Variants in CALU observed in about 807,000 individuals in gnomAD.
CALU encodes IEF SSP 9302.
CALU carries 13 observed loss-of-function variants against 37.5 expected under a neutral mutation model. The ratio of observed to expected loss-of-function variants is 0.35; its 90% CI spans 0.23 to 0.55. The LOEUF is 0.55. Ranked by LOEUF, CALU falls within the 20% of genes least tolerant of loss-of-function variation. The pLI is 0.89. For missense variants in CALU, 282 were observed against 391.7 expected (o/e 0.72, Z 2.36); for synonymous variants, 114 against 133.8 (o/e 0.85, Z 1.02).
rs1285549649 is a variant in CALU at position 128,772,526 on chromosome 7, C to A, written c.*3359C>A. The A allele has an allele frequency of 1.9e-6, 3 of 1,614,092 alleles. No individual in the cohort carries two copies. Among genetic ancestry groups the A allele is most frequent in the Non-Finnish European group, 2.5e-6 (3 of 1,179,984 alleles). On this transcript the variant is annotated 3_prime_UTR_variant, in exon 7 of 7. Coordinates refer to ENST00000249364, the MANE Select transcript of CALU (RefSeq NM_001219.5). ...TTTAATTCTAGCTGTTGCAAACAGG[C>A]CAATATTGGGTCCTCAGTTGGGGCC...
chr7:128,773,309 A>G lies in CALU; in HGVS notation c.*4142A>G, dbSNP rs1801669551. ...TTTTTAATTTTATTTAAGTTCCAGGATACATGTGCAGGATGTGCAGGTTTG... is the reference window on the plus strand; with the variant it reads ...TTTTTAATTTTATTTAAGTTCCAGGGTACATGTGCAGGATGTGCAGGTTTG... On this transcript the variant is annotated 3_prime_UTR_variant, in exon 7 of 7. Coordinates refer to ENST00000249364, the MANE Select transcript of CALU (RefSeq NM_001219.5). 6.6e-6 allele frequency among the ~76,000 whole-genome samples: 1 copy of G among 152,186 alleles called. No individual in the cohort carries two copies. Among genetic ancestry groups the G allele is most frequent in the Non-Finnish European group, 1.5e-5 (1 of 68,034 alleles).
chr7:128,759,719 A>T (rs909608092), intron 4 of CALU, 73 bp from the exon 5 acceptor site: 3 of 804,276 alleles, frequency 3.7e-6, no homozygotes, highest in African/African-American at 3.4e-5. Context: ...GTTTACCTAA[A>T]CTAGATACTT....
At chr7:128,751,557 T>G (rs1800676013) in intron 2 of CALU, among the ~76,000 whole-genome samples, 1 of 151,894 alleles carries the variant, frequency 6.6e-6, no homozygotes. Flanking sequence ...GGAGACCCTC[T>G]CTCTACAACA....
chr7:128,763,667 A>G (rs569454069), intron 5 of CALU, among the ~76,000 whole-genome samples: 6 of 152,364 alleles, frequency 3.9e-5, no homozygotes, highest in African/African-American at 7.2e-5. Flanking sequence ...GCATGTGTCT[A>G]TTTCCTAATT....
At chr7:128,739,977 T>C (rs1480951495) in intron 1 of CALU, among the ~76,000 whole-genome samples, 4 of 152,158 alleles carry the variant, frequency 2.6e-5, no homozygotes. Context: ...CTAGGTGATA[T>C]CTATGATTTT....
In CALU at chr7:128,771,735, T is replaced by C. The variant is rs1408745705; in HGVS notation, c.*2568T>C. 1 of 152,262 alleles carries C rather than the reference T, an allele frequency of 6.6e-6. No individual in the cohort carries two copies. Among genetic ancestry groups the C allele is most frequent in the African/African-American group, 2.4e-5 (1 of 41,470 alleles). The allele number at this position is 152,262 out of a possible 1,614,324, so 9.4% of individuals were successfully genotyped here. On this transcript the variant is annotated 3_prime_UTR_variant, in exon 7 of 7. Coordinates refer to ENST00000249364, the MANE Select transcript of CALU (RefSeq NM_001219.5). ...TGCTGCTCGTTATATAATTATCTGATACCAAACACAAGCGATTCTGAATGT... is the reference window on the plus strand; with the variant it reads ...TGCTGCTCGTTATATAATTATCTGACACCAAACACAAGCGATTCTGAATGT...
chr7:128,767,666 C>T lies in CALU; in HGVS notation c.843+11C>T, dbSNP rs776503596. ...TCAGACCAAAACAAGGTAAGTCTGGCGAGGCCCACACGCTCTATCCTTGAT... is the reference window on the plus strand; with the variant it reads ...TCAGACCAAAACAAGGTAAGTCTGGTGAGGCCCACACGCTCTATCCTTGAT... On this transcript the variant is annotated intron_variant, in intron 6 of 6. Transcript: ENST00000249364. The T allele has an allele frequency of 6.8e-6, 11 of 1,608,984 alleles. No individual in the cohort carries two copies. Among genetic ancestry groups the T allele is most frequent in the African/African-American group, 1.3e-5 (1 of 74,806 alleles).
rs1801492077 is a variant in CALU at position 128,769,842 on chromosome 7, C to T, written c.*675C>T. On this transcript the variant is annotated 3_prime_UTR_variant, in exon 7 of 7. Transcript: ENST00000249364. Reference sequence around the variant, plus strand: ...CTGACTGTTGGCTAATTTTGTCAAGCACAGCTGTGGTGGGAAGAGTTAGGG... The same window carrying T: ...CTGACTGTTGGCTAATTTTGTCAAGTACAGCTGTGGTGGGAAGAGTTAGGG... The T allele has an allele frequency of 6.6e-6, 1 of 152,212 alleles. No individual in the cohort carries two copies. The highest frequency in any genetic ancestry group is 2.1e-4 in the South Asian group (1 of 4,826). 9.4% of individuals were successfully genotyped at this position (152,212 alleles called of 1,614,324 possible).
intron 1 of CALU, among the ~76,000 whole-genome samples, chr7:128,742,825 A>G (rs924007243): frequency 6.6e-6 from 1 of 152,184 alleles, no homozygotes; most frequent in Non-Finnish European, 1.5e-5. Context: ...CATGAAAACA[A>G]CTTTATAGAA....
Position 128,772,493 on chromosome 7 carries a change from A to C in CALU, c.*3326A>C. ...ACGGAGACAATAGAAACTTACTTAA[A>C]AGTAAAATTTAATTCTAGCTGTTGC... is the stretch of plus-strand genomic sequence containing the variant. On this transcript the variant is annotated 3_prime_UTR_variant, in exon 7 of 7. Transcript: ENST00000249364. The C allele has an allele frequency of 6.2e-7, 1 of 1,612,566 alleles. No individual in the cohort carries two copies. The highest frequency in any genetic ancestry group is 2.2e-5 in the East Asian group (1 of 44,852).
At chr7:128,757,120 T>TTA (rs1800914457) in intron 3 of CALU, among the ~76,000 whole-genome samples, 1 of 151,958 alleles carries the variant, frequency 6.6e-6, no homozygotes, top group Non-Finnish European at 1.5e-5. Context: ...GTTTCCCTCC[T>TTA]TATATATATA....
chr7:128,754,671 G>A (rs1168709391), intron 3 of CALU: 10 of 1,552,072 alleles, frequency 6.4e-6, no homozygotes, highest in Admixed American at 2.0e-5. Context: ...GAATCAAGAC[G>A]GCTTAATCTC....
chr7:128,740,067 A>C (rs1800172931), intron 1 of CALU, among the ~76,000 whole-genome samples: 1 of 152,204 alleles, frequency 6.6e-6, no homozygotes, highest in African/African-American at 2.4e-5. Context: ...TTAAAGCTTT[A>C]TTGGGGAATT....
chr7:128,762,777 G>A (rs112162943), intron 5 of CALU, among the ~76,000 whole-genome samples: 7,291 of 152,028 alleles, frequency 0.048, 327 homozygotes, highest in East Asian at 0.14. Context: ...GGCGATTCTT[G>A]TGCCTCAGCC....
Position 128,772,446 on chromosome 7 carries a change from G to A in CALU, c.*3279G>A. 7.4e-6 allele frequency: 11 copies of A among 1,482,856 alleles called. No individual in the cohort carries two copies. Among genetic ancestry groups the A allele is most frequent in the Non-Finnish European group, 1.0e-5 (11 of 1,070,878 alleles). The allele number at this position is 1,482,856 out of a possible 1,614,324, so 91.9% of individuals were successfully genotyped here. On this transcript the variant is annotated 3_prime_UTR_variant, in exon 7 of 7. Transcript: ENST00000249364. ...TCACTCCTTTTACCATCTTTTTTGT[G>A]TTTTTAGTAGTTTGGTTTCTGACGG...
chr7:128,750,189 C>G (rs1800610926), intron 2 of CALU, among the ~76,000 whole-genome samples: 1 of 144,166 alleles, frequency 6.9e-6, no homozygotes, highest in Admixed American at 7.2e-5. Flanking sequence ...GATCACGCCA[C>G]TGCACTCCAG....
chr7:128,753,614 A>G (rs1800758323), intron 2 of CALU, among the ~76,000 whole-genome samples: 1 of 152,208 alleles, frequency 6.6e-6, no homozygotes, highest in African/African-American at 2.4e-5. Context: ...TAAAAATCCA[A>G]TTCAACACAG....
chr7:128,766,425 C>CTTT (rs11288081), intron 5 of CALU, among the ~76,000 whole-genome samples: 7 of 94,966 alleles, frequency 7.4e-5, no homozygotes, highest in South Asian at 3.9e-4. Flanking sequence ...ATTTCTTTTT[C>CTTT]TTTTTTTTTT....
In CALU at chr7:128,748,742, G is replaced by A. The variant is rs766116302; in HGVS notation, c.159G>A (p.Leu53=). The A allele has an allele frequency of 6.2e-7, 1 of 1,614,026 alleles. No individual in the cohort carries two copies. The highest frequency in any genetic ancestry group is 1.1e-5 in the South Asian group (1 of 91,090). ...QSFDYDHDAF[L]GAEEAKTFDQ... ...TTGATTATGACCATGATGCCTTCTT[G>A]GGTGCTGAAGAAGCAAAGACCTTTG... The change falls in exon 2 of 7, where the codon TTG becomes TTA. Residue 53 remains leucine, a synonymous_variant. Coordinates refer to ENST00000249364, the MANE Select transcript of CALU (RefSeq NM_001219.5).
Sources: gnomAD v4.1 joint callset for allele counts (sites outside exome capture counted in the v4.1 genomes callset) on GRCh38, gnomAD v4.1.1 for gene constraint, MANE v1.5 for transcripts, NCBI Gene and HGNC (gene_info 2026-07-23, HGNC 2026-07-21) for gene names.